RELN: variants seen among roughly 807,000 people sequenced by gnomAD.
RELN encodes the protein reelin.
In RELN, 108 loss-of-function variants were observed where a neutral mutation model predicts 427.6. The ratio of observed to expected loss-of-function variants is 0.25; its 90% CI spans 0.22 to 0.30. RELN has a LOEUF of 0.30. Among genes scored for constraint, RELN ranks in the 10% least tolerant of loss-of-function variants. RELN has a pLI of 1.00. For missense variants in RELN, 3,715 were observed against 4,302.8 expected (o/e 0.86, Z 3.82); for synonymous variants, 1,524 against 1,513.4 (o/e 1.01, Z -0.16).
chr7:103,871,174 G>C lies in RELN; in HGVS notation c.338-37502C>G, dbSNP rs577020631. On this transcript the variant is annotated intron_variant, in intron 2 of 64. Transcript: ENST00000428762. The stretch of plus-strand genomic sequence containing the variant: ...AGGAAGTGCCTCAGGGTTAAATTTA[G>C]TACTCAATTAAAGTAATTAACTGAA... Among the ~76,000 whole-genome samples, 100 of 152,176 alleles carry C rather than the reference G, an allele frequency of 6.6e-4. 1 individual carries two copies. Among genetic ancestry groups the C allele is most frequent in the Non-Finnish European group, 4.4e-5 (3 of 68,006 alleles).
At chr7:103,553,896 T>G in intron 38 of RELN, 65 bp from the exon 39 acceptor site, 2 of 1,414,124 alleles carry the variant, frequency 1.4e-6, no homozygotes, top group East Asian at 4.6e-5. Flanking sequence ...CTTTTGCTCA[T>G]TGAAAGAAAG....
intron 2 of RELN, among the ~76,000 whole-genome samples, chr7:103,869,579 G>C (rs963712715): frequency 1.3e-5 from 2 of 152,026 alleles, no homozygotes; most frequent in African/African-American, 2.4e-5. Flanking sequence ...CAATTTAATA[G>C]TGTCACCAAG....
At chr7:103,717,220 A>G (rs1789959937) in intron 8 of RELN, among the ~76,000 whole-genome samples, 1 of 151,556 alleles carries the variant, frequency 6.6e-6, no homozygotes, top group Admixed American at 6.6e-5. Flanking sequence ...AGGATTTCAG[A>G]ATATTCTCTT....
chr7:103,604,231 G>T, intron 23 of RELN, 115 bp downstream of exon 23: 4 of 1,199,460 alleles, frequency 3.3e-6, no homozygotes, highest in Non-Finnish European at 4.9e-6. Flanking sequence ...TGTTTCTTTT[G>T]GCTATGTCAT....
intron 2 of RELN, among the ~76,000 whole-genome samples, chr7:103,915,934 G>A (rs1795472972): frequency 6.6e-6 from 1 of 152,164 alleles, no homozygotes; most frequent in African/African-American, 2.4e-5. Flanking sequence ...TAAATAAGTG[G>A]AATTTGTAGA....
chr7:103,893,322 G>A (rs1794890018), intron 2 of RELN, among the ~76,000 whole-genome samples: 1 of 152,090 alleles, frequency 6.6e-6, no homozygotes. Flanking sequence ...TCTGTCTCCA[G>A]CTCTTGATCT....
chr7:103,630,286 C>T, intron 19 of RELN, 110 bp from the exon 20 acceptor site: 2 of 768,950 alleles, frequency 2.6e-6, no homozygotes, highest in Non-Finnish European at 2.1e-6. Flanking sequence ...AATAGTTCTC[C>T]CATGATTATA....
At chr7:103,859,581 C>T (rs1157554183) in intron 2 of RELN, among the ~76,000 whole-genome samples, 3 of 152,152 alleles carry the variant, frequency 2.0e-5, no homozygotes, top group Non-Finnish European at 4.4e-5. Context: ...GCGTGAGCCA[C>T]GGCACCCGGC....
chr7:103,975,515 G>GTATTTATTTATTTATTTATTTATT (rs1554451147), intron 1 of RELN, among the ~76,000 whole-genome samples: 2 of 141,826 alleles, frequency 1.4e-5, no homozygotes, highest in Admixed American at 7.0e-5. Flanking sequence ...GAATGGAGCA[G>GTATTTATTTATTTATTTATTTATT]TATTTATTTA....
At chr7:103,578,387 A>G (rs1318219520) in intron 28 of RELN, among the ~76,000 whole-genome samples, 1 of 152,224 alleles carries the variant, frequency 6.6e-6, no homozygotes, top group East Asian at 1.9e-4. Flanking sequence ...AGTCCAGAAC[A>G]TGGTGAATCA....
chr7:103,942,254 C>T (rs1796131027), intron 1 of RELN, among the ~76,000 whole-genome samples: 1 of 152,000 alleles, frequency 6.6e-6, no homozygotes, highest in Non-Finnish European at 1.5e-5. Context: ...TTTATTTATC[C>T]CGTCTAACTG....
chr7:103,506,415 TAAAG>T (rs1251151938), intron 51 of RELN, among the ~76,000 whole-genome samples: 1 of 152,176 alleles, frequency 6.6e-6, no homozygotes, highest in Non-Finnish European at 1.5e-5. Context: ...TCAACATTCT[TAAAG>T]AAAAGAGTTT....
chr7:103,905,000 T>TTTTTTTTTA (rs1795166642), intron 2 of RELN, among the ~76,000 whole-genome samples: 1 of 100,662 alleles, frequency 9.9e-6, no homozygotes, highest in African/African-American at 4.1e-5. Context: ...TTTTTTTTTT[T>TTTTTTTTTA]GAGATAATCT....
chr7:103,696,596 A>G (rs1267545016), intron 10 of RELN, among the ~76,000 whole-genome samples: 1 of 152,000 alleles, frequency 6.6e-6, no homozygotes, highest in Non-Finnish European at 1.5e-5. Flanking sequence ...CATGTTCTCA[A>G]TATGTCCCCA....
intron 7 of RELN, 103 bp downstream of exon 7, chr7:103,728,008 T>G (rs1790256349): frequency 1.0e-5 from 11 of 1,058,682 alleles, no homozygotes; most frequent in Non-Finnish European, 1.6e-5. Context: ...TAAATCATAT[T>G]TGAATTTTCA....
chr7:103,545,642 T>G (rs1830277904), intron 41 of RELN, among the ~76,000 whole-genome samples: 1 of 151,292 alleles, frequency 6.6e-6, no homozygotes, highest in African/African-American at 2.4e-5. Context: ...CTTACTATTT[T>G]GTTTTATTTT....
At chr7:103,593,975 C>G (rs903760214) in intron 26 of RELN, 93 bp from the exon 27 acceptor site, 1 of 959,470 alleles carries the variant, frequency 1.0e-6, no homozygotes, top group Non-Finnish European at 1.6e-6. Context: ...GGGCCATGTA[C>G]CATTTGCATT....
chr7:103,696,679 A>G (rs1562960845), intron 10 of RELN, among the ~76,000 whole-genome samples: 1 of 152,232 alleles, frequency 6.6e-6, no homozygotes, highest in Admixed American at 6.6e-5. Context: ...AATTCTGGCC[A>G]ATATGATCTC....
At chr7:103,701,546 C>G (rs1834092443) in intron 8 of RELN, among the ~76,000 whole-genome samples, 1 of 151,882 alleles carries the variant, frequency 6.6e-6, no homozygotes. Flanking sequence ...CTCCCATAAC[C>G]CAGCATTACA....
Sources: gnomAD v4.1 joint callset for allele counts (sites outside exome capture counted in the v4.1 genomes callset) on GRCh38, gnomAD v4.1.1 for gene constraint, MANE v1.5 for transcripts, NCBI Gene and HGNC (gene_info 2026-07-23, HGNC 2026-07-21) for gene names.